TBC1D19: variants seen among roughly 807,000 people sequenced by gnomAD.
TBC1D19 encodes the protein TBC1 domain family member 19, also known as TBC1 domain family, member 19.
TBC1D19 carries 60 observed loss-of-function variants against 89.0 expected under a neutral mutation model. The observed-to-expected ratio is 0.67, with a 90% CI of 0.55 to 0.84. The LOEUF is 0.84. TBC1D19 is among the 40% of genes least tolerant of loss of function. The pLI, the probability that TBC1D19 is intolerant of heterozygous loss-of-function variation, is 0.00. For synonymous variants in TBC1D19, 189 were observed against 199.7 expected, an observed-to-expected ratio of 0.95 and a Z score of 0.45; for missense variants, 500 against 610.8, an observed-to-expected ratio of 0.82 and a Z score of 1.91.
At chr4:26,845,887 A>G in the TBC1D19 span, among the ~76,000 whole-genome samples, 2 of 152,206 alleles carry the variant, frequency 1.3e-5, no homozygotes, top group East Asian at 1.9e-4. Context: ...CCATGATTCA[A>G]TTATCTCCCA....
the TBC1D19 span, among the ~76,000 whole-genome samples, chr4:26,799,614 T>A: frequency 4.6e-5 from 7 of 152,300 alleles, no homozygotes; most frequent in African/African-American, 1.4e-4. Flanking sequence ...TCTGCCCTCA[T>A]GAATGGGATT....
chr4:26,660,595 A>G (rs1370399538), intron 8 of TBC1D19, among the ~76,000 whole-genome samples: 1 of 152,150 alleles, frequency 6.6e-6, no homozygotes, highest in Non-Finnish European at 1.5e-5. Flanking sequence ...TTCTAGAGGG[A>G]CACTGCAAGG....
chr4:26,607,665 T>G (rs1191610009), intron 1 of TBC1D19, among the ~76,000 whole-genome samples: 1 of 152,126 alleles, frequency 6.6e-6, no homozygotes, highest in Non-Finnish European at 1.5e-5. Context: ...ATTAAAAAAT[T>G]ACACTAAGAA....
the TBC1D19 span, among the ~76,000 whole-genome samples, chr4:26,835,772 C>T: frequency 3.9e-5 from 6 of 152,188 alleles, no homozygotes; most frequent in Admixed American, 6.5e-5. Context: ...GATCATGTCA[C>T]GTTTCTACTA....
At chr4:26,754,145 C>T in intron 20 of TBC1D19, 4 of 380,554 alleles carry the variant, frequency 1.1e-5, no homozygotes, top group Non-Finnish European at 1.9e-5. Flanking sequence ...AAACCAGATA[C>T]CTGGTAATTT....
intron 13 of TBC1D19, among the ~76,000 whole-genome samples, chr4:26,689,125 G>A (rs1290767131): frequency 6.6e-6 from 1 of 151,882 alleles, no homozygotes; most frequent in Admixed American, 6.6e-5. Flanking sequence ...GTTTAAGAGA[G>A]AATATAAACT....
chr4:26,776,277 T>C, the TBC1D19 span, among the ~76,000 whole-genome samples: 1 of 152,100 alleles, frequency 6.6e-6, no homozygotes, highest in East Asian at 1.9e-4. Context: ...TAAGCTTTCA[T>C]ATATATATAA....
At chr4:26,847,459 G>A in the TBC1D19 span, among the ~76,000 whole-genome samples, 1 of 152,162 alleles carries the variant, frequency 6.6e-6, no homozygotes, top group African/African-American at 2.4e-5. Context: ...AACGTTCTAG[G>A]CAGAAGGAAA....
At position 26,650,645 on chromosome 4, in the gene TBC1D19, T is replaced by G. The variant is rs201722999; in HGVS notation, c.481-8952T>G. 1.3e-3 allele frequency among the ~76,000 whole-genome samples: 205 copies of G among 152,312 alleles called. 4 individuals are homozygous for G. The East Asian group carries it at 0.034, about 25-fold the overall frequency. Reference sequence around the variant, plus strand: ...GTCAGATGAGTAGATTGCAAAAATTTTCTCCCATTCTGTAGGTTGCCTGTT... The same window carrying G: ...GTCAGATGAGTAGATTGCAAAAATTGTCTCCCATTCTGTAGGTTGCCTGTT... On this transcript the variant is annotated intron_variant, in intron 7 of 20. Transcript: ENST00000264866.
intron 15 of TBC1D19, among the ~76,000 whole-genome samples, chr4:26,724,280 G>T (rs1351578094): frequency 1.3e-5 from 2 of 152,094 alleles, no homozygotes; most frequent in Non-Finnish European, 2.9e-5. Context: ...TGCTTCCTCA[G>T]GGATTTTTTA....
chr4:26,837,808 G>C, the TBC1D19 span, among the ~76,000 whole-genome samples: 2 of 152,056 alleles, frequency 1.3e-5, no homozygotes, highest in African/African-American at 4.8e-5. Context: ...AAATGTTGGA[G>C]GTAAGAGAAA....
the TBC1D19 span, among the ~76,000 whole-genome samples, chr4:26,786,053 C>T: frequency 6.6e-6 from 1 of 152,168 alleles, no homozygotes; most frequent in Non-Finnish European, 1.5e-5. Context: ...AGCAGTGTGT[C>T]CCTGTCAAAA....
intron 15 of TBC1D19, among the ~76,000 whole-genome samples, chr4:26,729,609 A>G (rs1717526694): frequency 6.6e-6 from 1 of 152,216 alleles, no homozygotes; most frequent in Non-Finnish European, 1.5e-5. Context: ...TATCAAGTTC[A>G]GAGCTATCAA....
chr4:26,581,569 C>A (rs531868652), upstream of TBC1D19, among the ~76,000 whole-genome samples: 2 of 152,276 alleles, frequency 1.3e-5, no homozygotes, highest in Non-Finnish European at 2.9e-5. Flanking sequence ...TTTATGGCTG[C>A]GTAGTATTCC....
At chr4:26,702,902 G>A (rs977706618) in intron 13 of TBC1D19, among the ~76,000 whole-genome samples, 2 of 152,174 alleles carry the variant, frequency 1.3e-5, no homozygotes, top group African/African-American at 4.8e-5. Context: ...CCATTCAACT[G>A]CTGCTATATG....
At chr4:26,601,560 A>G (rs1041535302) in intron 1 of TBC1D19, among the ~76,000 whole-genome samples, 1 of 152,232 alleles carries the variant, frequency 6.6e-6, no homozygotes, top group Non-Finnish European at 1.5e-5. Flanking sequence ...ATGTAGGAAC[A>G]GTAAGAAGGC....
At chr4:26,594,694 T>A (rs1035441978) in intron 1 of TBC1D19, among the ~76,000 whole-genome samples, 3 of 152,218 alleles carry the variant, frequency 2.0e-5, no homozygotes, top group African/African-American at 2.4e-5. Context: ...CCCTACCCCA[T>A]GAAATGCTAA....
At chr4:26,610,175 G>A (rs1442480918) in intron 1 of TBC1D19, among the ~76,000 whole-genome samples, 1 of 151,862 alleles carries the variant, frequency 6.6e-6, no homozygotes, top group Non-Finnish European at 1.5e-5. Flanking sequence ...AGTATAGATT[G>A]GGAGGACATT....
the TBC1D19 span, among the ~76,000 whole-genome samples, chr4:26,799,592 G>A: frequency 6.6e-6 from 1 of 152,178 alleles, no homozygotes; most frequent in Non-Finnish European, 1.5e-5. Flanking sequence ...GAGGTGATCA[G>A]GTTATAAGAG....
Sources: gnomAD v4.1 joint callset for allele counts (sites outside exome capture counted in the v4.1 genomes callset) on GRCh38, gnomAD v4.1.1 for gene constraint, MANE v1.5 for transcripts, NCBI Gene and HGNC (gene_info 2026-07-23, HGNC 2026-07-21) for gene names.